Variants in ANKRD12 observed in about 807,000 individuals in gnomAD.
ANKRD12 encodes the protein ankyrin repeat domain 12, also known as ankyrin repeat domain-containing protein 12.
Under a neutral mutation model 183.4 loss-of-function variants are expected in ANKRD12, and 85 were observed. That is an observed-to-expected ratio of 0.46 (90% CI 0.39 to 0.56). The LOEUF (loss-of-function observed/expected upper bound fraction) is 0.56. Among genes scored for constraint, ANKRD12 ranks in the 20% least tolerant of loss-of-function variants. ANKRD12 has a pLI of 0.00. For synonymous variants in ANKRD12, 914 were observed against 800.2 expected (o/e 1.14, Z -2.40); for missense variants, 2,405 against 2,357.1 (o/e 1.02, Z -0.42).
chr18:9,277,115 G>T (rs1481530050), intron 11 of ANKRD12, among the ~76,000 whole-genome samples: 1 of 152,118 alleles, frequency 6.6e-6, no homozygotes, highest in Non-Finnish European at 1.5e-5. Flanking sequence ...ATACATACCT[G>T]TTGATTCCTT....
intron 4 of ANKRD12, among the ~76,000 whole-genome samples, chr18:9,207,621 T>A (rs73394118): frequency 6.6e-6 from 1 of 152,132 alleles, no homozygotes; most frequent in African/African-American, 2.4e-5. Flanking sequence ...GCTCTTCATA[T>A]CTGCTTGAAA....
intron 1 of ANKRD12, among the ~76,000 whole-genome samples, chr18:9,157,553 G>GTGTATGTGTGTGTGTGTA (rs1231432683): frequency 8.8e-5 from 8 of 90,712 alleles, no homozygotes; most frequent in African/African-American, 4.2e-4. Context: ...GTGTGTGGGT[G>GTGTATGTGTGTGTGTGTA]TGTGTGTGTG....
chr18:9,186,964 GATGGTCTCGA>G (rs1396205305), intron 2 of ANKRD12, among the ~76,000 whole-genome samples: 6 of 152,000 alleles, frequency 3.9e-5, no homozygotes, highest in South Asian at 2.1e-4. Flanking sequence ...TGTTAGCCAG[GATGGTCTCGA>G]ATGGTCTCAA....
chr18:9,184,430 AC>A (rs2033909414), intron 2 of ANKRD12, among the ~76,000 whole-genome samples: 1 of 151,724 alleles, frequency 6.6e-6, no homozygotes, highest in Non-Finnish European at 1.5e-5. Context: ...TTGCTCTCTT[AC>A]CCAGGCTGGA....
chr18:9,198,718 T>A (rs1420205505), intron 3 of ANKRD12, among the ~76,000 whole-genome samples: 2 of 151,818 alleles, frequency 1.3e-5, no homozygotes, highest in Non-Finnish European at 2.9e-5. Context: ...CCTGGCTAAT[T>A]TTCATATTTT....
intron 10 of ANKRD12, among the ~76,000 whole-genome samples, chr18:9,268,514 C>T (rs1449520640): frequency 6.6e-6 from 1 of 152,176 alleles, no homozygotes; most frequent in East Asian, 1.9e-4. Flanking sequence ...AAACCAAAGA[C>T]AAAAACCACA....
intron 8 of ANKRD12, among the ~76,000 whole-genome samples, chr18:9,231,534 A>C (rs1008822939): frequency 2.0e-5 from 3 of 151,924 alleles, no homozygotes; most frequent in Non-Finnish European, 2.9e-5. Context: ...TGACTTAAAG[A>C]TATTTTATCC....
chr18:9,223,361 C>T (rs1032114824), intron 8 of ANKRD12, among the ~76,000 whole-genome samples: 5 of 151,820 alleles, frequency 3.3e-5, no homozygotes, highest in Admixed American at 2.0e-4. Context: ...TCATGCCATT[C>T]TCCTGCCTCA....
chr18:9,251,581 G>A (rs934323741), intron 8 of ANKRD12, among the ~76,000 whole-genome samples: 7 of 152,224 alleles, frequency 4.6e-5, no homozygotes, highest in Admixed American at 3.9e-4. Flanking sequence ...ATCACCTGAG[G>A]TCGGGAGTTC....
rs1258136588 is a variant in ANKRD12 at position 9,254,202 on chromosome 18, T to C, written c.944-9T>C. 2.0e-6 allele frequency: 3 copies of C among 1,492,598 alleles called. No homozygotes were observed. In the Admixed American group the frequency reaches 7.4e-5, roughly 37 times the overall value. 92.5% of individuals were successfully genotyped at this position (1,492,598 alleles called of 1,614,324 possible). ...TGACCCACACCACATTTTCTTTTTT[T>C]TATTCTAGATTCCGAAGAGGCTCAA... On this transcript the variant is annotated splice_polypyrimidine_tract_variant and intron_variant, in intron 8 of 12. Coordinates refer to ENST00000262126, the MANE Select transcript of ANKRD12 (RefSeq NM_015208.5).
intron 3 of ANKRD12, among the ~76,000 whole-genome samples, chr18:9,203,011 A>G (rs978662451): frequency 2.3e-4 from 35 of 152,346 alleles, no homozygotes; most frequent in African/African-American, 8.2e-4. Flanking sequence ...TCTGCTTTCA[A>G]TAATTCATTT....
chr18:9,153,542 A>C (rs143300784), intron 1 of ANKRD12, among the ~76,000 whole-genome samples: 1 of 152,168 alleles, frequency 6.6e-6, no homozygotes, highest in African/African-American at 2.4e-5. Flanking sequence ...TCAGGAGCCT[A>C]CTGTGTGTCC....
At chr18:9,220,045 A>T (rs921155202) in intron 7 of ANKRD12, among the ~76,000 whole-genome samples, 6 of 152,250 alleles carry the variant, frequency 3.9e-5, no homozygotes, top group African/African-American at 1.2e-4. Context: ...AGTTGGTATC[A>T]TGAGTAAGTT....
chr18:9,170,496 G>T (rs893602768), intron 1 of ANKRD12, among the ~76,000 whole-genome samples: 2 of 151,998 alleles, frequency 1.3e-5, no homozygotes, highest in African/African-American at 2.4e-5. Flanking sequence ...CCAGTTGATC[G>T]CATCGGCTGC....
intron 3 of ANKRD12, among the ~76,000 whole-genome samples, chr18:9,196,843 C>CTT (rs572803235): frequency 1.3e-5 from 2 of 149,796 alleles, no homozygotes; most frequent in Non-Finnish European, 1.5e-5. Context: ...GATTCAGAAT[C>CTT]TTTTTTTTTT....
At chr18:9,178,952 G>C (rs1006010528) in intron 1 of ANKRD12, among the ~76,000 whole-genome samples, 1 of 151,912 alleles carries the variant, frequency 6.6e-6, no homozygotes, top group Non-Finnish European at 1.5e-5. Context: ...ATTGCTTATT[G>C]CTAGTATGTA....
intron 1 of ANKRD12, among the ~76,000 whole-genome samples, chr18:9,159,396 T>A (rs1336001463): frequency 6.6e-6 from 1 of 152,154 alleles, no homozygotes; most frequent in Non-Finnish European, 1.5e-5. Flanking sequence ...CAGCAAGAAA[T>A]CTGGCTTCTA....
chr18:9,239,591 A>G (rs1567952925), intron 8 of ANKRD12: 1 of 1,162,660 alleles, frequency 8.6e-7, no homozygotes. Context: ...AGTTGCTGAA[A>G]AAGACTGATG....
intron 4 of ANKRD12, among the ~76,000 whole-genome samples, chr18:9,204,857 G>A (rs2035389070): frequency 1.3e-5 from 2 of 152,192 alleles, no homozygotes; most frequent in South Asian, 2.1e-4. Flanking sequence ...GGTGCATAGT[G>A]TAGTGACTCC....
Sources: allele counts gnomAD v4.1 joint callset (sites outside exome capture counted in the v4.1 genomes callset), GRCh38; gene constraint gnomAD v4.1.1; transcripts MANE v1.5; gene names NCBI Gene and HGNC (gene_info 2026-07-23, HGNC 2026-07-21).